ATP9B: variants seen among roughly 807,000 people sequenced by gnomAD.
ATP9B encodes the protein probable phospholipid-transporting ATPase IIB.
In ATP9B, 110 loss-of-function variants were observed where a neutral mutation model predicts 146.1. The observed-to-expected ratio is 0.75, with a 90% CI of 0.65 to 0.88. ATP9B has a LOEUF of 0.88. ATP9B is among the 40% of genes least tolerant of loss of function. The probability of loss-of-function intolerance (pLI) is 0.00; values close to 1 mark genes in which losing one functional copy is unlikely to be tolerated. For synonymous variants in ATP9B, 604 were observed against 569.7 expected (o/e 1.06, Z -0.86); for missense variants, 1,499 against 1,496.4 (o/e 1.00, Z -0.03).
chr18:79,207,802 G>A (rs527528175), intron 10 of ATP9B, among the ~76,000 whole-genome samples: 21 of 152,232 alleles, frequency 1.4e-4, no homozygotes, highest in African/African-American at 4.6e-4. Flanking sequence ...CACCAGGCAC[G>A]GTGATTCAGT....
At chr18:79,119,563 A>T (rs1293648103) in intron 4 of ATP9B, among the ~76,000 whole-genome samples, 1 of 152,150 alleles carries the variant, frequency 6.6e-6, no homozygotes, top group East Asian at 1.9e-4. Flanking sequence ...CTGTTATTCC[A>T]CTATATTTGC....
chr18:79,120,992 G>T (rs2094178345), intron 4 of ATP9B, among the ~76,000 whole-genome samples: 1 of 152,184 alleles, frequency 6.6e-6, no homozygotes, highest in Non-Finnish European at 1.5e-5. Flanking sequence ...TTAGTGATCT[G>T]TGTGGCCTTG....
intron 13 of ATP9B, among the ~76,000 whole-genome samples, chr18:79,282,160 G>A (rs2096384058): frequency 1.3e-5 from 2 of 152,168 alleles, no homozygotes; most frequent in Admixed American, 6.5e-5. Flanking sequence ...GCCTCTTACG[G>A]ATGAGCAAAG....
chr18:79,347,429 G>T (rs1336752532), intron 23 of ATP9B, among the ~76,000 whole-genome samples: 2 of 150,194 alleles, frequency 1.3e-5, no homozygotes, highest in African/African-American at 5.0e-5. Flanking sequence ...GATCATAGGG[G>T]TGTCTTCCGA....
At chr18:79,327,902 TGCTCTCCGTGGGTAGC>T in intron 15 of ATP9B, among the ~76,000 whole-genome samples, 1 of 133,336 alleles carries the variant, frequency 7.5e-6, no homozygotes, top group Non-Finnish European at 1.6e-5. Context: ...GTGGTTAGCG[TGCTCTCCGTGGGTAGC>T]GTGCTCTCTC....
chr18:79,308,218 G>A (rs1256669866), intron 15 of ATP9B, among the ~76,000 whole-genome samples: 1 of 152,164 alleles, frequency 6.6e-6, no homozygotes, highest in East Asian at 1.9e-4. Context: ...ACTGGAACCT[G>A]CATGCACTGT....
At chr18:79,283,443 G>A (rs1334683181) in intron 13 of ATP9B, among the ~76,000 whole-genome samples, 1 of 152,222 alleles carries the variant, frequency 6.6e-6, no homozygotes, top group African/African-American at 2.4e-5. Flanking sequence ...TGGGGTCTGT[G>A]CTTCATCAGT....
At chr18:79,071,480 G>A (rs1414717256) in intron 1 of ATP9B, among the ~76,000 whole-genome samples, 1 of 132,696 alleles carries the variant, frequency 7.5e-6, no homozygotes, top group Admixed American at 8.9e-5. Flanking sequence ...TTACAGCTTT[G>A]ATCTGTTGGG....
intron 9 of ATP9B, among the ~76,000 whole-genome samples, chr18:79,203,138 C>A (rs936174215): frequency 2.6e-5 from 4 of 152,178 alleles, no homozygotes; most frequent in African/African-American, 9.7e-5. Context: ...GTGCCTGATG[C>A]CTCATACAGG....
chr18:79,170,795 G>A (rs1193620072), intron 7 of ATP9B, among the ~76,000 whole-genome samples: 1 of 152,186 alleles, frequency 6.6e-6, no homozygotes, highest in Admixed American at 6.5e-5. Context: ...GCATTCGCCA[G>A]TATAATACTG....
chr18:79,296,725 T>G (rs1447042474), intron 13 of ATP9B, among the ~76,000 whole-genome samples: 2 of 152,250 alleles, frequency 1.3e-5, no homozygotes, highest in Non-Finnish European at 2.9e-5. Context: ...TTATCATTAT[T>G]CTTTTTTAAA....
At chr18:79,191,258 ATTTTTTT>A (rs974296593) in intron 8 of ATP9B, among the ~76,000 whole-genome samples, 1 of 150,702 alleles carries the variant, frequency 6.6e-6, no homozygotes, top group Non-Finnish European at 1.5e-5. Context: ...TATTTTTGAG[ATTTTTTT>A]TATTTTTGGT....
Position 79,314,330 on chromosome 18 carries a change from T to C in ATP9B, c.1773+7096T>C, listed in dbSNP as rs1226185435. Among the ~76,000 whole-genome samples, 2 of 152,224 alleles carry C rather than the reference T, an allele frequency of 1.3e-5. 1 individual carries two copies. Among genetic ancestry groups the C allele is most frequent in the Non-Finnish European group, 2.9e-5 (2 of 68,046 alleles). On this transcript the variant is annotated intron_variant, in intron 15 of 29. Transcript: ENST00000426216. ...CCTAGTTTTAGTCGCTGATACACAG[T>C]TGCTGTTCTTCAGGAAATAAGCAGT...
At position 79,168,377 on chromosome 18, in the gene ATP9B, TG is replaced by T. The variant is rs1042083647; in HGVS notation, c.779-8435del. 6.3e-5 allele frequency among the ~76,000 whole-genome samples: 8 copies of T among 126,746 alleles called. No homozygotes were observed. The South Asian group carries it at 8.1e-4, about 13-fold the overall frequency. 83.2% of individuals were successfully genotyped at this position (126,746 alleles called of 152,430 possible). The stretch of plus-strand genomic sequence containing the variant: ...CCCAAATAAGTTTTGTTTTTGATTT[TG>T]TTTTTTTTTTTTTTACATTTGTGTA... On this transcript the variant is annotated intron_variant, in intron 7 of 29. Transcript: ENST00000426216.
chr18:79,072,911 G>T (rs2072078218), intron 1 of ATP9B, among the ~76,000 whole-genome samples: 1 of 151,798 alleles, frequency 6.6e-6, no homozygotes, highest in Admixed American at 6.6e-5. Flanking sequence ...TCACCTCCCA[G>T]ACAGGGCGGC....
rs199512436 is a variant in ATP9B, at chr18:79,339,231, G to A, written c.2283+1782G>A. ...TCCATCTGAGATCACAGTAGGAAGT[G>A]TGTCATGATCATAGTAGGAAGTATG... On this transcript the variant is annotated intron_variant, in intron 19 of 29. Transcript: ENST00000426216. Among the ~76,000 whole-genome samples the A allele has an allele frequency of 3.0e-4, 6 of 20,130 alleles. No individual in the cohort carries two copies. In the South Asian group the frequency reaches 5.1e-3, roughly 17 times the overall value. 13.2% of individuals were successfully genotyped at this position (20,130 alleles called of 152,430 possible).
intron 4 of ATP9B, among the ~76,000 whole-genome samples, chr18:79,116,976 A>G (rs1051482179): frequency 1.3e-5 from 2 of 151,254 alleles, no homozygotes; most frequent in Non-Finnish European, 2.9e-5. Flanking sequence ...ATTGATCACA[A>G]AGTCTAAAGA....
rs372827340 is a variant in ATP9B at position 79,069,492 on chromosome 18, G to T, written c.82G>T (p.Ala28Ser). 55 of 1,470,844 alleles carry T rather than the reference G, an allele frequency of 3.7e-5. No homozygotes were observed. The highest frequency in any genetic ancestry group is 4.9e-5 in the Non-Finnish European group (54 of 1,111,012). 91.1% of individuals were successfully genotyped at this position (1,470,844 alleles called of 1,614,324 possible). Residue 28 changes from alanine to serine, a missense_variant, in exon 1 of 30, where the codon GCC becomes TCC. Physicochemically the swap from Ala to Ser is moderately conservative, Grantham distance 99. Transcript: ENST00000426216. The part of the protein sequence containing the change: ...ANRKRAAYYS[A>S]AGPRPGADRH... ...CCGCAAACGCGCGGCCTACTACAGC[G>T]CCGCGGGGCCCAGGCCGGGAGCCGA...
At chr18:79,292,746 G>GTTTGTTTTGT (rs546454521) in intron 13 of ATP9B, among the ~76,000 whole-genome samples, 3 of 151,900 alleles carry the variant, frequency 2.0e-5, no homozygotes, top group African/African-American at 7.3e-5. Flanking sequence ...GAGGTTAGGG[G>GTTTGTTTTGT]TTTGTTTTGT....
Sources: gnomAD v4.1 joint callset for allele counts (sites outside exome capture counted in the v4.1 genomes callset) on GRCh38, gnomAD v4.1.1 for gene constraint, MANE v1.5 for transcripts, NCBI Gene and HGNC (gene_info 2026-07-23, HGNC 2026-07-21) for gene names.